The following NWD1 variants were observed in gnomAD, a reference collection of about 807,000 sequenced individuals.
NWD1 encodes NACHT and WD repeat domain containing 1.
Under a neutral mutation model 135.1 loss-of-function variants are expected in NWD1, and 129 were observed. That is an observed-to-expected ratio of 0.96 (90% CI 0.83 to 1.11). The LOEUF (loss-of-function observed/expected upper bound fraction) is 1.11, where lower values mean the gene tolerates loss of function less well. Among genes scored for constraint, NWD1 ranks in the 50% least tolerant of loss-of-function variants. The pLI, the probability that NWD1 is intolerant of heterozygous loss-of-function variation, is 0.00. For missense variants in NWD1, 1,740 were observed against 1,851.3 expected (o/e 0.94, Z 1.10); for synonymous variants, 773 against 786.0 (o/e 0.98, Z 0.28).
intron 4 of NWD1, among the ~76,000 whole-genome samples, chr19:16,740,222 C>T (rs1004320529): frequency 6.6e-6 from 1 of 151,834 alleles, no homozygotes; most frequent in African/African-American, 2.4e-5. Flanking sequence ...TCCCTTGAGC[C>T]CAGAAGTCTG....
At position 16,749,912 on chromosome 19, in the gene NWD1, G is replaced by C. The variant is rs1236745916; in HGVS notation, c.1270G>C (p.Val424Leu). Residue 424 changes from valine to leucine, a missense_variant, in exon 6 of 19, where the codon GTC (valine) becomes CTC (leucine). By Grantham distance (32) the Val-to-Leu change is conservative (BLOSUM62 1). Transcript: ENST00000524140. ...GTTTTTCCATACCCTCCTCCACACT[G>C]TCTCTTGCAGAAACTTCGAGTCTCT... ...VQFFHTLLHT[V>L]SCRNFESLVL... 4 of 1,613,588 alleles carry C rather than the reference G, an allele frequency of 2.5e-6. No individual in the cohort carries two copies. The South Asian group carries it at 3.3e-5, about 13-fold the overall frequency.
In NWD1 at chr19:16,749,910, C is replaced by G. The variant is rs1198192237; in HGVS notation, c.1268C>G (p.Thr423Ser). ...CAGTTTTTCCATACCCTCCTCCACA[C>G]TGTCTCTTGCAGAAACTTCGAGTCT... ...VVQFFHTLLH[T>S]VSCRNFESLV... Residue 423 changes from threonine to serine, a missense_variant, in exon 6 of 19, where the codon ACT becomes AGT. Coordinates refer to ENST00000524140, the MANE Select transcript of NWD1 (RefSeq NM_001007525.5). 3 of 1,613,536 alleles carry G rather than the reference C, an allele frequency of 1.9e-6. No individual in the cohort carries two copies.
intron 6 of NWD1, 24 bp downstream of exon 6, chr19:16,750,435 C>CTTAT (rs1968531495): frequency 6.7e-6 from 10 of 1,484,666 alleles, no homozygotes; most frequent in South Asian, 4.1e-5. Flanking sequence ...TTTTGAAACT[C>CTTAT]TTATTTATTT....
At chr19:16,747,955 A>C (rs1457276032) in intron 5 of NWD1, among the ~76,000 whole-genome samples, 1 of 152,040 alleles carries the variant, frequency 6.6e-6, no homozygotes, top group African/African-American at 2.4e-5. Context: ...TATTTTGTTT[A>C]TCCATTCATC....
chr19:16,727,550 G>C (rs1029874057), intron 2 of NWD1: 1 of 152,632 alleles, frequency 6.6e-6, no homozygotes, highest in Non-Finnish European at 1.5e-5. Context: ...TGGTGGGTGG[G>C]CGGCAATGAG....
chr19:16,803,427 C>A (rs1226795846), intron 17 of NWD1, among the ~76,000 whole-genome samples: 2 of 152,132 alleles, frequency 1.3e-5, no homozygotes, highest in Admixed American at 6.6e-5. Context: ...ATCTTCAGTC[C>A]ATAACATTCC....
Position 16,724,765 on chromosome 19 carries a change from C to T in NWD1, c.-7+302C>T, listed in dbSNP as rs538046972. On this transcript the variant is annotated intron_variant, in intron 2 of 18. Transcript: ENST00000524140. ...CTGGAGTGTAATGGCGCCATCTTGG[C>T]TCATGCAACCTCTGCCTCCCAGGTT... Among the ~76,000 whole-genome samples the T allele has an allele frequency of 4.6e-5, 7 of 152,182 alleles. No homozygotes were observed. The South Asian group carries it at 1.2e-3, about 27-fold the overall frequency.
intron 4 of NWD1, among the ~76,000 whole-genome samples, chr19:16,740,035 A>T (rs1968014567): frequency 6.6e-6 from 1 of 151,932 alleles, no homozygotes; most frequent in African/African-American, 2.4e-5. Context: ...CTTGGATCAC[A>T]CTTGTAATCC....
At chr19:16,774,957 C>T (rs776987990) in intron 11 of NWD1, among the ~76,000 whole-genome samples, 4 of 152,074 alleles carry the variant, frequency 2.6e-5, no homozygotes, top group East Asian at 1.9e-4. Flanking sequence ...CATCCATTCA[C>T]CCACTCACTC....
rs188852090 is a variant in NWD1, at chr19:16,731,314, T to A, written c.81+36T>A. 412 of 1,328,588 alleles carry A rather than the reference T, an allele frequency of 3.1e-4. 1 individual carries two copies. In the African/African-American group the frequency reaches 4.7e-3, roughly 15 times the overall value. 82.3% of individuals were successfully genotyped at this position (1,328,588 alleles called of 1,614,324 possible). On this transcript the variant is annotated intron_variant, in intron 3 of 18. Transcript: ENST00000524140. ...GTCACTCCGGGCTCCATGCTTTTTT[T>A]ATTTTTTTTTGACACGTAGTTCTTG...
At chr19:16,814,129 C>T (rs1341504567) in intron 18 of NWD1, among the ~76,000 whole-genome samples, 1 of 152,116 alleles carries the variant, frequency 6.6e-6, no homozygotes, top group Non-Finnish European at 1.5e-5. Context: ...CATTGCACTC[C>T]AGCCTGGGCA....
At chr19:16,742,454 C>T (rs917380517) in intron 4 of NWD1, among the ~76,000 whole-genome samples, 1 of 152,080 alleles carries the variant, frequency 6.6e-6, no homozygotes, top group Non-Finnish European at 1.5e-5. Context: ...ATACTGAGCT[C>T]TGATCTCTCC....
At chr19:16,733,779 T>C (rs1967677234) in intron 3 of NWD1, among the ~76,000 whole-genome samples, 1 of 144,578 alleles carries the variant, frequency 6.9e-6, no homozygotes, top group Non-Finnish European at 1.5e-5. Context: ...GTCAACATCC[T>C]CCACACGCAC....
chr19:16,722,168 T>A (rs1967162305), intron 1 of NWD1, among the ~76,000 whole-genome samples: 1 of 151,686 alleles, frequency 6.6e-6, no homozygotes, highest in Admixed American at 6.6e-5. Context: ...CATGGTGGTG[T>A]GTGCCTGTTA....
intron 11 of NWD1, among the ~76,000 whole-genome samples, chr19:16,778,265 A>G (rs1164500806): frequency 6.6e-6 from 1 of 152,034 alleles, no homozygotes; most frequent in African/African-American, 2.4e-5. Context: ...TTTCTCCAAT[A>G]TATCTTGGCC....
chr19:16,808,028 T>C lies in NWD1; in HGVS notation c.4179T>C (p.Cys1393=). 1 of 1,614,122 alleles carries C rather than the reference T, an allele frequency of 6.2e-7. No homozygotes were observed. Among genetic ancestry groups the C allele is most frequent in the Non-Finnish European group, 8.5e-7 (1 of 1,180,014 alleles). The change falls in exon 18 of 19, where the codon TGT becomes TGC. Residue 1393 remains cysteine, a synonymous_variant. Coordinates refer to ENST00000524140, the MANE Select transcript of NWD1 (RefSeq NM_001007525.5). Reference sequence around the variant, plus strand: ...AGACCCACAGGAGCCGAGTTGCCTGTGTGGAGGTCAGCCACAAGGAGCAGC... The same window carrying C: ...AGACCCACAGGAGCCGAGTTGCCTGCGTGGAGGTCAGCCACAAGGAGCAGC... ...PLETHRSRVA[C]VEVSHKEQLV...
intron 18 of NWD1, among the ~76,000 whole-genome samples, chr19:16,809,677 C>T (rs1171170660): frequency 2.0e-5 from 3 of 151,608 alleles, no homozygotes; most frequent in African/African-American, 7.3e-5. Flanking sequence ...GCCTCAGCCT[C>T]CCGAGTAGCT....
intron 5 of NWD1, chr19:16,744,974 G>A (rs1968245352): frequency 6.2e-6 from 4 of 642,556 alleles, no homozygotes; most frequent in Admixed American, 4.4e-5. Flanking sequence ...GAGGTTCCTG[G>A]CACAGGGGCC....
intron 16 of NWD1, among the ~76,000 whole-genome samples, chr19:16,799,344 C>T (rs1599552519): frequency 6.6e-6 from 1 of 152,036 alleles, no homozygotes. Context: ...TACAGGTGTG[C>T]ACCACCACGC....
Sources: gnomAD v4.1 joint callset for allele counts (sites outside exome capture counted in the v4.1 genomes callset) on GRCh38, gnomAD v4.1.1 for gene constraint, MANE v1.5 for transcripts, NCBI Gene and HGNC (gene_info 2026-07-23, HGNC 2026-07-21) for gene names.